The following CPHXL2 variants were observed in gnomAD, a reference collection of about 807,000 sequenced individuals.
The protein encoded by CPHXL2 is cytoplasmic polyadenylated homeobox-like protein 2.
the CPHXL2 span, among the ~76,000 whole-genome samples, chr16:75,675,377 A>G: frequency 7.2e-5 from 11 of 151,910 alleles, no homozygotes; most frequent in South Asian, 2.1e-4. Flanking sequence ...TATAATATCA[A>G]TGGTATTGCA....
chr16:75,668,486 C>G, the CPHXL2 span, among the ~76,000 whole-genome samples: 10 of 152,110 alleles, frequency 6.6e-5, no homozygotes, highest in Non-Finnish European at 1.5e-4. Context: ...TGTGGCCTCC[C>G]AAAGTGCTAG....
At chr16:75,660,949 A>T in the CPHXL2 span, 2 of 398,724 alleles carry the variant, frequency 5.0e-6, no homozygotes, top group Non-Finnish European at 8.8e-6. Flanking sequence ...TCCAGAGAAG[A>T]GCACATGGAG....
At chr16:75,673,440 T>C in the CPHXL2 span, among the ~76,000 whole-genome samples, 2 of 149,764 alleles carry the variant, frequency 1.3e-5, no homozygotes, top group African/African-American at 2.4e-5. Flanking sequence ...ATTACAGGCA[T>C]GTAATCCTGT....
At chr16:75,673,086 A>AAAAG in the CPHXL2 span, among the ~76,000 whole-genome samples, 1 of 150,672 alleles carries the variant, frequency 6.6e-6, no homozygotes, top group East Asian at 2.0e-4. Context: ...AAAAAAAAAA[A>AAAAG]AAAAAAAAAA....
At chr16:75,664,768 T>C in the CPHXL2 span, among the ~76,000 whole-genome samples, 1 of 152,046 alleles carries the variant, frequency 6.6e-6, no homozygotes, top group East Asian at 1.9e-4. Flanking sequence ...AACACATTCA[T>C]GGATTAATGG....
chr16:75,670,148 T>C, the CPHXL2 span, among the ~76,000 whole-genome samples: 2 of 152,184 alleles, frequency 1.3e-5, no homozygotes, highest in African/African-American at 2.4e-5. Context: ...ACTCCTGACC[T>C]TGTGATTTGC....
chr16:75,671,535 A>T, the CPHXL2 span, among the ~76,000 whole-genome samples: 1 of 152,164 alleles, frequency 6.6e-6, no homozygotes, highest in South Asian at 2.1e-4. Flanking sequence ...AACATACTAG[A>T]CTGGAAGCCC....
At chr16:75,676,473 C>A in the CPHXL2 span, among the ~76,000 whole-genome samples, 1 of 152,120 alleles carries the variant, frequency 6.6e-6, no homozygotes, top group African/African-American at 2.4e-5. Context: ...TACAGGCATG[C>A]ACCACACCTG....
chr16:75,663,781 G>A, the CPHXL2 span, among the ~76,000 whole-genome samples: 2 of 151,690 alleles, frequency 1.3e-5, no homozygotes, highest in Non-Finnish European at 2.9e-5. Flanking sequence ...AGTTACTCAG[G>A]AGGCTGAGGC....
chr16:75,676,048 C>T, the CPHXL2 span, among the ~76,000 whole-genome samples: 2 of 151,876 alleles, frequency 1.3e-5, no homozygotes, highest in African/African-American at 4.8e-5. Context: ...CATTGCACTC[C>T]AGCCTGGGTG....
At chr16:75,661,344 C>T in the CPHXL2 span, 31 of 397,808 alleles carry the variant, frequency 7.8e-5, no homozygotes, top group Non-Finnish European at 4.9e-5. Context: ...TCTTTTTAAG[C>T]CTTTTAAAAG....
the CPHXL2 span, among the ~76,000 whole-genome samples, chr16:75,671,077 C>T: frequency 9.2e-5 from 14 of 152,272 alleles, no homozygotes; most frequent in African/African-American, 3.4e-4. Flanking sequence ...CTACCCTAAC[C>T]ACCCTATTAA....
chr16:75,673,066 A>G, the CPHXL2 span, among the ~76,000 whole-genome samples: 1 of 105,728 alleles, frequency 9.5e-6, no homozygotes, highest in Non-Finnish European at 1.8e-5. Flanking sequence ...ACGGAGTAAG[A>G]CCTTGTCTCA....
At chr16:75,672,107 TA>T in the CPHXL2 span, among the ~76,000 whole-genome samples, 17 of 132,298 alleles carry the variant, frequency 1.3e-4, no homozygotes, top group Non-Finnish European at 1.4e-4. Flanking sequence ...CCGTCTCTAC[TA>T]AAAAAAAAAG....
At chr16:75,668,231 ATTT>A in the CPHXL2 span, among the ~76,000 whole-genome samples, 19 of 74,464 alleles carry the variant, frequency 2.6e-4, no homozygotes, top group African/African-American at 9.1e-4. Flanking sequence ...ATACATATAT[ATTT>A]TTTTTTTTTT....
At chr16:75,665,424 AAC>A in the CPHXL2 span, among the ~76,000 whole-genome samples, 4 of 152,366 alleles carry the variant, frequency 2.6e-5, no homozygotes, top group South Asian at 8.3e-4. Context: ...CTTTCAGACA[AAC>A]AAATGCTGAG....
At chr16:75,669,330 A>AG in the CPHXL2 span, 82 of 399,712 alleles carry the variant, frequency 2.1e-4, no homozygotes, top group African/African-American at 1.5e-3. Context: ...AAAAAAAAAA[A>AG]TCTAAGAAAC....
the CPHXL2 span, among the ~76,000 whole-genome samples, chr16:75,668,786 T>C: frequency 6.6e-6 from 1 of 152,172 alleles, no homozygotes; most frequent in Non-Finnish European, 1.5e-5. Context: ...AGTGGTGGGA[T>C]GAAGGCTGGG....
At chr16:75,665,538 A>G in the CPHXL2 span, among the ~76,000 whole-genome samples, 1 of 152,354 alleles carries the variant, frequency 6.6e-6, no homozygotes, top group Admixed American at 6.5e-5. Flanking sequence ...CTTTTAAAGC[A>G]TAAATCTCAC....
Sources: allele counts gnomAD v4.1 joint callset (sites outside exome capture counted in the v4.1 genomes callset), GRCh38; gene constraint gnomAD v4.1.1; transcripts MANE v1.5; gene names NCBI Gene and HGNC (gene_info 2026-07-23, HGNC 2026-07-21).